LRRC37B: variants seen among roughly 807,000 people sequenced by gnomAD.
LRRC37B encodes the protein leucine rich repeat containing 37B.
LRRC37B carries 28 observed loss-of-function variants against 98.3 expected under a neutral mutation model. The observed-to-expected ratio is 0.28, with a 90% confidence interval of 0.21 to 0.39. The LOEUF is 0.39. Ranked by LOEUF, LRRC37B falls within the 10% of genes least tolerant of loss-of-function variation. LRRC37B has a pLI of 1.00. For missense variants in LRRC37B, 938 were observed against 1,182.7 expected, an observed-to-expected ratio of 0.79 and a Z score of 3.03; for synonymous variants, 364 against 442.7, an observed-to-expected ratio of 0.82 and a Z score of 2.23.
At chr17:32,042,835 CAAA>C (rs4037403) in intron 7 of LRRC37B, 13,220 of 145,006 alleles carry the variant, frequency 0.091, 767 homozygotes, top group Non-Finnish European at 0.13. Flanking sequence ...GGTCTTTCTA[CAAA>C]AAAAAAAAAA....
chr17:32,011,628 G>C (rs936566293), intron 1 of LRRC37B, among the ~76,000 whole-genome samples: 2 of 152,090 alleles, frequency 1.3e-5, no homozygotes, highest in Non-Finnish European at 1.5e-5. Context: ...CTCCCGAGTA[G>C]CTGGGATTAC....
At chr17:32,035,131 T>A (rs1390434653) in intron 6 of LRRC37B, 150 bp downstream of exon 9, 3 of 632,978 alleles carry the variant, frequency 4.7e-6, no homozygotes, top group Non-Finnish European at 8.1e-6. Context: ...AGAAAAGGAT[T>A]AAGAAAGGAT....
chr17:32,040,317 C>T (rs1215293714), intron 7 of LRRC37B: 5 of 341,070 alleles, frequency 1.5e-5, no homozygotes, highest in Admixed American at 8.3e-5. Flanking sequence ...GAGGTGGCCC[C>T]GGGGCAGGCG....
chr17:32,011,259 T>G (rs1487471449), intron 1 of LRRC37B, among the ~76,000 whole-genome samples: 1 of 152,150 alleles, frequency 6.6e-6, no homozygotes, highest in Non-Finnish European at 1.5e-5. Context: ...CCTCCCAAAG[T>G]GCTGGGATTA....
intron 6 of LRRC37B, 87 bp downstream of exon 9, chr17:32,035,068 TA>T: frequency 1.0e-6 from 1 of 968,804 alleles, no homozygotes; most frequent in Non-Finnish European, 1.5e-6. Flanking sequence ...GCATTTAGGC[TA>T]AAAAGTCATA....
upstream of LRRC37B, chr17:32,020,890 CG>C: frequency 1.5e-6 from 2 of 1,347,114 alleles, no homozygotes; most frequent in Non-Finnish European, 2.0e-6. Flanking sequence ...GGGACCACCC[CG>C]GTCTGCGGCC....
upstream of LRRC37B, chr17:32,020,848 C>T: frequency 5.9e-6 from 6 of 1,017,306 alleles, no homozygotes; most frequent in Non-Finnish European, 6.7e-6. Context: ...CCCACCCCAC[C>T]CCACCCCACC....
chr17:32,047,328 C>G (rs1911614274), intron 8 of LRRC37B: 2 of 221,098 alleles, frequency 9.0e-6, no homozygotes, highest in Non-Finnish European at 1.8e-5. Context: ...GCGATGGTAG[C>G]AAGAACACGG....
At chr17:32,008,350 C>T (rs1377806920) in intron 1 of LRRC37B, among the ~76,000 whole-genome samples, 5 of 152,300 alleles carry the variant, frequency 3.3e-5, no homozygotes, top group African/African-American at 7.2e-5. Flanking sequence ...TTGTTGCAGG[C>T]CGCACTCGCT....
At chr17:32,026,193 G>C (rs1910946764) in intron 2 of LRRC37B, among the ~76,000 whole-genome samples, 2 of 152,122 alleles carry the variant, frequency 1.3e-5, no homozygotes, top group African/African-American at 4.8e-5. Flanking sequence ...GACTTATATA[G>C]ACAAGACATA....
In LRRC37B at chr17:32,034,906, T is replaced by G. The variant is rs763910300; in HGVS notation, c.2058-4T>G. On this transcript the variant is annotated splice_polypyrimidine_tract_variant and splice_region_variant and intron_variant, in intron 5 of 11. Transcript: ENST00000327564. ...GGTAATTTTAATTTCATTGCATTTT[T>G]CAGAATTCTCAATCGCAATCCTCTG... 7 of 1,608,368 alleles carry G rather than the reference T, an allele frequency of 4.4e-6. No individual in the cohort carries two copies. The highest frequency in any genetic ancestry group is 1.3e-5 in the African/African-American group (1 of 74,804).
intron 8 of LRRC37B, among the ~76,000 whole-genome samples, chr17:32,046,522 T>C (rs1911585055): frequency 6.6e-6 from 1 of 152,182 alleles, no homozygotes; most frequent in Non-Finnish European, 1.5e-5. Flanking sequence ...ACCAGTGATA[T>C]GGGGTGGATA....
chr17:32,047,919 A>G lies in LRRC37B; in HGVS notation c.2464+18A>G, dbSNP rs767773843. 1.2e-6 allele frequency: 2 copies of G among 1,614,094 alleles called. No homozygotes were observed. Among genetic ancestry groups the G allele is most frequent in the Admixed American group, 1.7e-5 (1 of 60,010 alleles). ...CTTTGGGGGTGAGCAGCTAGACACC[A>G]ATGACGAGAGTGATGTTAGCAGTGC... On this transcript the variant is annotated intron_variant, in intron 9 of 11. Coordinates refer to ENST00000327564, the Ensembl canonical transcript of LRRC37B.
intron 1 of LRRC37B, 22 bp downstream of exon 1, chr17:32,008,154 T>G (rs1043087796): frequency 1.7e-5 from 5 of 300,298 alleles, no homozygotes; most frequent in Non-Finnish European, 3.4e-5. Context: ...GCGCAGTTGC[T>G]GCAGACTCAT....
intron 5 of LRRC37B, among the ~76,000 whole-genome samples, chr17:32,031,773 G>C (rs1292900387): frequency 5.4e-4 from 81 of 150,336 alleles, no homozygotes; most frequent in African/African-American, 1.8e-3. Flanking sequence ...AGGAGCTGAG[G>C]GGGGCGGATC....
intron 3 of LRRC37B, among the ~76,000 whole-genome samples, chr17:32,030,209 ACTTC>A (rs1039668634): frequency 4.6e-5 from 7 of 152,174 alleles, no homozygotes; most frequent in Non-Finnish European, 1.0e-4. Context: ...TAAAGGGGTA[ACTTC>A]CTTTCAAATG....
chr17:32,029,648 G>GCAA (rs1474297361), intron 3 of LRRC37B, among the ~76,000 whole-genome samples: 4 of 152,020 alleles, frequency 2.6e-5, no homozygotes, highest in Non-Finnish European at 5.9e-5. Flanking sequence ...TGGGAGAAGG[G>GCAA]CAAAACACAG....
upstream of LRRC37B, chr17:32,020,833 G>A (rs1031622880): frequency 2.8e-5 from 23 of 821,584 alleles, no homozygotes; most frequent in African/African-American, 2.4e-4. Flanking sequence ...AAGCTCTGCC[G>A]TGCCCCCACC....
chr17:32,029,784 C>T (rs897849918), intron 3 of LRRC37B, among the ~76,000 whole-genome samples: 4 of 152,316 alleles, frequency 2.6e-5, no homozygotes, highest in African/African-American at 7.2e-5. Flanking sequence ...CATGTTATCA[C>T]AGCAGTGCTG....
Sources: allele counts gnomAD v4.1 joint callset (sites outside exome capture counted in the v4.1 genomes callset), GRCh38; gene constraint gnomAD v4.1.1; transcripts MANE v1.5; gene names NCBI Gene and HGNC (gene_info 2026-07-23, HGNC 2026-07-21).